The following ADARB2 variants were observed in gnomAD, a reference collection of about 807,000 sequenced individuals.
ADARB2 encodes inactive double-stranded RNA-specific editase B2.
Under a neutral mutation model 62.2 loss-of-function variants are expected in ADARB2, and 25 were observed. That is an observed-to-expected ratio of 0.40 (90% confidence interval 0.29 to 0.56). The LOEUF (loss-of-function observed/expected upper bound fraction) is 0.56. Among genes scored for constraint, ADARB2 ranks in the 20% least tolerant of loss-of-function variants. ADARB2 has a pLI of 0.43. For missense variants in ADARB2, 1,071 were observed against 1,077.4 expected (o/e 0.99, Z 0.08); for synonymous variants, 572 against 500.8 (o/e 1.14, Z -1.90).
intron 8 of ADARB2, chr10:1,186,622 G>C: frequency 2.0e-6 from 1 of 508,932 alleles, no homozygotes; most frequent in Non-Finnish European, 3.9e-6. Flanking sequence ...GTGGTGCTTG[G>C]AGGCGAGCGG....
chr10:1,530,333 C>T (rs1263492700), intron 1 of ADARB2, among the ~76,000 whole-genome samples: 3 of 152,228 alleles, frequency 2.0e-5, no homozygotes, highest in Non-Finnish European at 4.4e-5. Flanking sequence ...CCTCCCACAC[C>T]CACAACATTC....
intron 1 of ADARB2, among the ~76,000 whole-genome samples, chr10:1,405,135 G>A (rs1051735890): frequency 1.5e-4 from 23 of 152,310 alleles, no homozygotes; most frequent in Admixed American, 3.9e-4. Flanking sequence ...CAGAGGTAAC[G>A]CTGCCCAGGC....
At chr10:1,611,475 G>C (rs533290907) in intron 1 of ADARB2, among the ~76,000 whole-genome samples, 5 of 152,206 alleles carry the variant, frequency 3.3e-5, no homozygotes, top group Admixed American at 2.6e-4. Context: ...TCTCCCTCTT[G>C]CTGCTTCACT....
At chr10:1,395,662 TCATCCCTGCGACGCAGAC>T (rs1325609411) in intron 1 of ADARB2, among the ~76,000 whole-genome samples, 2 of 152,172 alleles carry the variant, frequency 1.3e-5, no homozygotes, top group Non-Finnish European at 1.5e-5. Context: ...GCTGTTGTCC[TCATCCCTGCGACGCAGAC>T]CATCCCGGCG....
At chr10:1,539,425 G>C (rs1832381799) in intron 1 of ADARB2, among the ~76,000 whole-genome samples, 1 of 152,188 alleles carries the variant, frequency 6.6e-6, no homozygotes, top group Non-Finnish European at 1.5e-5. Flanking sequence ...TGTGTGCCTG[G>C]CTTCCAAGGC....
intron 1 of ADARB2, among the ~76,000 whole-genome samples, chr10:1,499,073 T>G (rs968483038): frequency 6.6e-6 from 1 of 151,048 alleles, no homozygotes; most frequent in East Asian, 2.0e-4. Context: ...TTACTCTTCA[T>G]TAATCATTCA....
chr10:1,589,703 T>C (rs1833227211), intron 1 of ADARB2, among the ~76,000 whole-genome samples: 1 of 152,198 alleles, frequency 6.6e-6, no homozygotes, highest in Non-Finnish European at 1.5e-5. Context: ...AGATGGAGTC[T>C]CGCTCTGTCG....
intron 1 of ADARB2, among the ~76,000 whole-genome samples, chr10:1,606,451 G>A (rs1293498879): frequency 6.6e-6 from 1 of 152,164 alleles, no homozygotes. Context: ...AGGGACGTGG[G>A]AAAGGTTTAG....
At chr10:1,705,987 ATCT>A (rs1264998938) in intron 1 of ADARB2, among the ~76,000 whole-genome samples, 2 of 152,066 alleles carry the variant, frequency 1.3e-5, no homozygotes, top group Non-Finnish European at 2.9e-5. Flanking sequence ...TTACCATTTT[ATCT>A]TCTTGTTTTT....
rs1366233168 is a variant in ADARB2, at chr10:1,180,836, A to G, written c.*2357T>C. 2 of 152,180 alleles carry G rather than the reference A, an allele frequency of 1.3e-5. No homozygotes were observed. The highest frequency in any genetic ancestry group is 3.9e-4 in the East Asian group (2 of 5,194). 9.4% of individuals were successfully genotyped at this position (152,180 alleles called of 1,614,324 possible). On this transcript the variant is annotated 3_prime_UTR_variant, in exon 10 of 10. Coordinates refer to ENST00000381312, the MANE Select transcript of ADARB2 (RefSeq NM_018702.4). The stretch of plus-strand genomic sequence containing the variant: ...GTGGACTTAATACACGAATCCATAC[A>G]CTTGTACTAATGGGTAGCATGGAAT...
At chr10:1,490,805 A>G (rs1045496380) in intron 1 of ADARB2, among the ~76,000 whole-genome samples, 1 of 152,162 alleles carries the variant, frequency 6.6e-6, no homozygotes. Flanking sequence ...AAGACAATAT[A>G]CACATGAAAG....
chr10:1,556,053 G>A (rs1172707348), intron 1 of ADARB2, among the ~76,000 whole-genome samples: 1 of 152,108 alleles, frequency 6.6e-6, no homozygotes, highest in Non-Finnish European at 1.5e-5. Context: ...CATATATTCT[G>A]AATTATCAGC....
At chr10:1,449,409 A>T (rs1831011769) in intron 1 of ADARB2, among the ~76,000 whole-genome samples, 1 of 152,080 alleles carries the variant, frequency 6.6e-6, no homozygotes. Flanking sequence ...ATGCATCCCC[A>T]TGGTAAAAGT....
intron 3 of ADARB2, among the ~76,000 whole-genome samples, chr10:1,309,295 C>T (rs183429854): frequency 7.2e-4 from 110 of 152,310 alleles, no homozygotes; most frequent in African/African-American, 2.4e-3. Flanking sequence ...TGCCTCTCAG[C>T]GGATCCTGAC....
chr10:1,269,675 TCA>T (rs1831239856), intron 4 of ADARB2, among the ~76,000 whole-genome samples: 3 of 152,102 alleles, frequency 2.0e-5, no homozygotes, highest in Admixed American at 1.3e-4. Flanking sequence ...CCTGCCAAAC[TCA>T]CTGCTCCCTC....
intron 1 of ADARB2, among the ~76,000 whole-genome samples, chr10:1,487,721 T>C (rs1831561422): frequency 6.6e-6 from 1 of 152,246 alleles, no homozygotes; most frequent in Non-Finnish European, 1.5e-5. Context: ...TGCAAAAAGA[T>C]GTTTGTTTTG....
At chr10:1,527,516 C>T (rs1370474308) in intron 1 of ADARB2, among the ~76,000 whole-genome samples, 1 of 152,088 alleles carries the variant, frequency 6.6e-6, no homozygotes, top group Non-Finnish European at 1.5e-5. Flanking sequence ...AAATCAATGC[C>T]CTTAACATGA....
intron 1 of ADARB2, among the ~76,000 whole-genome samples, chr10:1,579,380 T>C (rs1833064744): frequency 6.6e-6 from 1 of 152,186 alleles, no homozygotes; most frequent in Non-Finnish European, 1.5e-5. Context: ...TAAAGAAAGA[T>C]GAAAATGGAG....
In ADARB2 at chr10:1,180,076, AGTG is replaced by A. The variant is rs1217965158; in HGVS notation, c.*3114_*3116del. 2 of 152,190 alleles carry A rather than the reference AGTG, an allele frequency of 1.3e-5. No individual in the cohort carries two copies. Among genetic ancestry groups the A allele is most frequent in the African/African-American group, 4.8e-5 (2 of 41,422 alleles). The allele number at this position is 152,190 out of a possible 1,614,324, so 9.4% of individuals were successfully genotyped here. A position where few individuals can be genotyped will look rare whatever the true frequency, so the allele number is the denominator to read the frequency against. ...AACTGCAGGGCAGACATGGCCTGAA[AGTG>A]GTGCTGGGATGTTCTGACCTGGACC... On this transcript the variant is annotated 3_prime_UTR_variant, in exon 10 of 10. Transcript: ENST00000381312.
Sources: gnomAD v4.1 joint callset for allele counts (sites outside exome capture counted in the v4.1 genomes callset) on GRCh38, gnomAD v4.1.1 for gene constraint, MANE v1.5 for transcripts, NCBI Gene and HGNC (gene_info 2026-07-23, HGNC 2026-07-21) for gene names.